EDIL3: variants seen among roughly 807,000 people sequenced by gnomAD.
EDIL3 encodes the protein EGF-like repeat and discoidin I-like domain-containing protein 3.
In EDIL3, 37 loss-of-function variants were observed where a neutral mutation model predicts 67.4. The ratio of observed to expected loss-of-function variants is 0.55; its 90% confidence interval spans 0.42 to 0.72. The LOEUF is 0.72. Ranked by LOEUF, EDIL3 falls within the 30% of genes least tolerant of loss-of-function variation. The probability of loss-of-function intolerance (pLI) is 0.00; values close to 1 mark genes in which losing one functional copy is unlikely to be tolerated. For synonymous variants in EDIL3, 195 were observed against 196.3 expected, an observed-to-expected ratio of 0.99 and a Z score of 0.05; for missense variants, 527 against 586.3, an observed-to-expected ratio of 0.90 and a Z score of 1.04.
At chr5:84,134,635 T>C (rs1748056333) in intron 5 of EDIL3, among the ~76,000 whole-genome samples, 1 of 152,168 alleles carries the variant, frequency 6.6e-6, no homozygotes, top group Admixed American at 6.6e-5. Flanking sequence ...CTAAAATCTC[T>C]TAAGAGACTA....
intron 9 of EDIL3, among the ~76,000 whole-genome samples, chr5:83,990,454 T>C: frequency 7.2e-6 from 1 of 138,186 alleles, no homozygotes; most frequent in Middle Eastern, 4.3e-3. Context: ...GCCACTGCAC[T>C]CCAGTCTGCC....
At chr5:84,029,467 G>A (rs1307735565) in intron 9 of EDIL3, among the ~76,000 whole-genome samples, 1 of 152,048 alleles carries the variant, frequency 6.6e-6, no homozygotes, top group Non-Finnish European at 1.5e-5. Flanking sequence ...TATCAGCAGT[G>A]TGAAAAAGAA....
intron 6 of EDIL3, among the ~76,000 whole-genome samples, chr5:84,070,800 G>A (rs142968062): frequency 1.2e-4 from 19 of 152,160 alleles, no homozygotes; most frequent in Admixed American, 2.6e-4. Flanking sequence ...GAAATTTATC[G>A]TACTTGAACA....
At chr5:84,295,155 C>T (rs563126355) in intron 1 of EDIL3, among the ~76,000 whole-genome samples, 2 of 151,808 alleles carry the variant, frequency 1.3e-5, no homozygotes, top group South Asian at 2.1e-4. Context: ...TATTCCCATG[C>T]TATATATCAT....
At position 84,137,263 on chromosome 5, in the gene EDIL3, A is replaced by G; in HGVS notation, c.447T>C (p.Phe149=). 6.2e-7 allele frequency: 1 copy of G among 1,613,420 alleles called. No homozygotes were observed. Among genetic ancestry groups the G allele is most frequent in the South Asian group, 1.1e-5 (1 of 91,054 alleles). ...ANYSCECPGE[F]MGRNCQYKCS... The stretch of plus-strand genomic sequence containing the variant: ...TACTGTATTGACAATTTCTTCCCAT[A>G]AATTCGCCTGGGCACTCACAGGAAT... The change falls in exon 5 of 11, where the codon TTT becomes TTC. Residue 149 remains phenylalanine (F), a synonymous_variant. Transcript: ENST00000296591.
At chr5:84,365,106 T>C (rs1747699645) in intron 1 of EDIL3, among the ~76,000 whole-genome samples, 1 of 152,156 alleles carries the variant, frequency 6.6e-6, no homozygotes, top group East Asian at 1.9e-4. Flanking sequence ...ATTAAAATCT[T>C]AAGTGCAATA....
intron 9 of EDIL3, among the ~76,000 whole-genome samples, chr5:84,058,605 G>T (rs1746489780): frequency 6.6e-6 from 1 of 152,060 alleles, no homozygotes; most frequent in African/African-American, 2.4e-5. Flanking sequence ...TGGAGCTGGT[G>T]AAAGAGATGT....
intron 1 of EDIL3, among the ~76,000 whole-genome samples, chr5:84,268,381 G>A (rs1458335469): frequency 1.3e-5 from 2 of 152,036 alleles, no homozygotes; most frequent in African/African-American, 2.4e-5. Context: ...TCCATGTTAT[G>A]CTTAGAAAAA....
intron 3 of EDIL3, among the ~76,000 whole-genome samples, chr5:84,225,335 T>G (rs913967708): frequency 6.6e-6 from 1 of 151,662 alleles, no homozygotes; most frequent in African/African-American, 2.4e-5. Flanking sequence ...ATTTAGAAGT[T>G]CGAATAAAAG....
chr5:83,943,183 C>A lies in EDIL3; in HGVS notation c.*236G>T. 4.4e-6 allele frequency: 2 copies of A among 456,730 alleles called. No individual in the cohort carries two copies. Among genetic ancestry groups the A allele is most frequent in the Non-Finnish European group, 7.8e-6 (2 of 257,698 alleles). 28.3% of individuals were successfully genotyped at this position (456,730 alleles called of 1,614,324 possible). ...AGGAAACAATGAGAGAAAAGTAATT[C>A]ACACTTAATGTGTTGTTACTTAAGA... On this transcript the variant is annotated 3_prime_UTR_variant, in exon 11 of 11. Coordinates refer to ENST00000296591, the MANE Select transcript of EDIL3 (RefSeq NM_005711.5).
chr5:84,070,365 G>A (rs1052483435), intron 6 of EDIL3, among the ~76,000 whole-genome samples: 2 of 152,216 alleles, frequency 1.3e-5, no homozygotes, highest in Non-Finnish European at 2.9e-5. Context: ...AACTGTAAAC[G>A]TTTACCCCTA....
chr5:84,307,664 A>G (rs1231207060), intron 1 of EDIL3, among the ~76,000 whole-genome samples: 1 of 152,180 alleles, frequency 6.6e-6, no homozygotes, highest in Non-Finnish European at 1.5e-5. Context: ...TCTCTGAGGG[A>G]GTTATTAAAG....
intron 9 of EDIL3, 116 bp downstream of exon 9, chr5:84,060,184 G>A: frequency 8.0e-7 from 1 of 1,246,006 alleles, no homozygotes; most frequent in Non-Finnish European, 1.1e-6. Context: ...TTAAACCGAA[G>A]ATGAAGGCAC....
At chr5:84,173,465 C>A (rs1051313760) in intron 4 of EDIL3, among the ~76,000 whole-genome samples, 4 of 152,112 alleles carry the variant, frequency 2.6e-5, no homozygotes, top group African/African-American at 4.8e-5. Context: ...TGGAAGCAGA[C>A]TCGCACGACT....
At position 84,254,214 on chromosome 5, in the gene EDIL3, T is replaced by A. The variant is rs577043881; in HGVS notation, c.68-2A>T. On this transcript the variant is annotated splice_acceptor_variant, in intron 1 of 10. Transcript: ENST00000296591. LOFTEE classifies it high-confidence loss of function. Reference sequence around the variant, plus strand: ...ATGGATTGGGATCACAAATATCACCTAAGGCATAAAAAAAAACCGAAATTG... The same window carrying A: ...ATGGATTGGGATCACAAATATCACCAAAGGCATAAAAAAAAACCGAAATTG... 6.3e-7 allele frequency: 1 copy of A among 1,596,982 alleles called. No homozygotes were observed. Among genetic ancestry groups the A allele is most frequent in the Non-Finnish European group, 8.5e-7 (1 of 1,174,288 alleles).
intron 6 of EDIL3, among the ~76,000 whole-genome samples, chr5:84,091,224 C>A (rs1747160657): frequency 6.6e-6 from 1 of 152,170 alleles, no homozygotes; most frequent in African/African-American, 2.4e-5. Context: ...ATTTAGCTTT[C>A]TGTGCCTAGA....
intron 1 of EDIL3, among the ~76,000 whole-genome samples, chr5:84,365,263 C>T (rs2112205689): frequency 6.6e-6 from 1 of 152,214 alleles, no homozygotes; most frequent in Non-Finnish European, 1.5e-5. Flanking sequence ...TTACAAAAAA[C>T]TTTCATGCTC....
At chr5:84,292,944 C>T (rs1326198751) in intron 1 of EDIL3, among the ~76,000 whole-genome samples, 2 of 152,128 alleles carry the variant, frequency 1.3e-5, no homozygotes, top group Non-Finnish European at 2.9e-5. Flanking sequence ...CCTCATTGGT[C>T]GAGTACTATG....
At position 84,054,798 on chromosome 5, in the gene EDIL3, T is replaced by A. The variant is rs1477048503; in HGVS notation, c.1137+5502A>T. Among the ~76,000 whole-genome samples the A allele has an allele frequency of 5.3e-5, 8 of 150,488 alleles. No individual in the cohort carries two copies. The South Asian group carries it at 1.7e-3, about 32-fold the overall frequency. ...AGGAGAACTACAAACCACTGCTCAA[T>A]GAAATAAAAGAGGACACAAACAAAT... On this transcript the variant is annotated intron_variant, in intron 9 of 10. Coordinates refer to ENST00000296591, the MANE Select transcript of EDIL3 (RefSeq NM_005711.5).
Sources: gnomAD v4.1 joint callset for allele counts (sites outside exome capture counted in the v4.1 genomes callset) on GRCh38, gnomAD v4.1.1 for gene constraint, MANE v1.5 for transcripts, NCBI Gene and HGNC (gene_info 2026-07-23, HGNC 2026-07-21) for gene names.